The following MSRA variants were observed in gnomAD, a reference collection of about 807,000 sequenced individuals.
MSRA encodes methionine sulfoxide reductase A.
Under a neutral mutation model 31.3 loss-of-function variants are expected in MSRA, and 54 were observed. That is an observed-to-expected ratio of 1.73 (90% confidence interval 1.39 to 2.17). MSRA has a LOEUF of 2.17. MSRA is among the 30% of genes most tolerant of loss of function. MSRA has a pLI of 0.00. For synonymous variants in MSRA, 169 were observed against 116.5 expected, an observed-to-expected ratio of 1.45 and a Z score of -2.90; for missense variants, 507 against 300.9, an observed-to-expected ratio of 1.69 and a Z score of -5.07.
At chr8:10,300,860 C>T (rs1490544360) in intron 3 of MSRA, among the ~76,000 whole-genome samples, 1 of 152,144 alleles carries the variant, frequency 6.6e-6, no homozygotes, top group African/African-American at 2.4e-5. Context: ...CCCTGATCCA[C>T]CAAACCTCCA....
rs6990657 is a variant in MSRA, at chr8:10,161,943, G to A, written c.143-45890G>A. 4.0e-3 allele frequency among the ~76,000 whole-genome samples: 613 copies of A among 152,268 alleles called. 9 individuals carry two copies. The highest frequency in any genetic ancestry group is 0.014 in the African/African-American group (576 of 41,560). The stretch of plus-strand genomic sequence containing the variant: ...TTGCCCACTTGTTACAGGGTGGTCC[G>A]GAGGTCTGAATACAAGAGCGCACTG... On this transcript the variant is annotated intron_variant, in intron 1 of 5. Coordinates refer to ENST00000317173, the MANE Select transcript of MSRA (RefSeq NM_012331.5).
chr8:10,132,469 C>T (rs1801966289), intron 1 of MSRA, among the ~76,000 whole-genome samples: 1 of 152,160 alleles, frequency 6.6e-6, no homozygotes, highest in Non-Finnish European at 1.5e-5. Flanking sequence ...AAATTTATTT[C>T]CTCACAGTTC....
chr8:10,260,188 C>CA (rs1318138778), intron 3 of MSRA, among the ~76,000 whole-genome samples: 2 of 152,222 alleles, frequency 1.3e-5, no homozygotes, highest in Non-Finnish European at 2.9e-5. Flanking sequence ...GCCATTGATG[C>CA]AGGAGGCTCT....
chr8:10,350,587 G>C (rs1804067326), intron 5 of MSRA, among the ~76,000 whole-genome samples: 1 of 152,252 alleles, frequency 6.6e-6, no homozygotes, highest in Admixed American at 6.5e-5. Context: ...CTGGTCAGCA[G>C]CCGTAATGTT....
chr8:10,366,139 G>A (rs535161766), intron 5 of MSRA, among the ~76,000 whole-genome samples: 3 of 152,328 alleles, frequency 2.0e-5, no homozygotes, highest in East Asian at 1.9e-4. Context: ...TTATCTGGAC[G>A]GCTTTCTAGA....
intron 1 of MSRA, among the ~76,000 whole-genome samples, chr8:10,067,677 AGTT>A (rs781188704): frequency 6.6e-6 from 1 of 152,156 alleles, no homozygotes; most frequent in African/African-American, 2.4e-5. Flanking sequence ...CCTTCCCGGC[AGTT>A]GTTGTTATCA....
At position 10,109,178 on chromosome 8, in the gene MSRA, T is replaced by TA. The variant is rs1183713125; in HGVS notation, c.142+54527dup. Among the ~76,000 whole-genome samples the TA allele has an allele frequency of 2.6e-5, 4 of 152,258 alleles. No homozygotes were observed. The East Asian group carries it at 5.8e-4, about 22-fold the overall frequency. ...ATAAAATGCATATAGTGCCTGCCTTTAAAAAAAGCACTTTGGCTCAGGAAC... is the reference window on the plus strand; with the variant it reads ...ATAAAATGCATATAGTGCCTGCCTTTAAAAAAAAGCACTTTGGCTCAGGAAC... On this transcript the variant is annotated intron_variant, in intron 1 of 5. Coordinates refer to ENST00000317173, the MANE Select transcript of MSRA (RefSeq NM_012331.5).
At chr8:10,398,223 A>G (rs1048687027) in intron 5 of MSRA, among the ~76,000 whole-genome samples, 1 of 152,194 alleles carries the variant, frequency 6.6e-6, no homozygotes, top group Non-Finnish European at 1.5e-5. Context: ...CTCTTAGAAA[A>G]TTCCTGTTTG....
intron 3 of MSRA, among the ~76,000 whole-genome samples, chr8:10,255,697 C>T (rs905132082): frequency 6.6e-6 from 1 of 151,678 alleles, no homozygotes; most frequent in Admixed American, 6.6e-5. Context: ...GGGGAACAAT[C>T]ATCTGTCTGG....
At chr8:10,157,869 A>G (rs1307466507) in intron 1 of MSRA, among the ~76,000 whole-genome samples, 2 of 152,012 alleles carry the variant, frequency 1.3e-5, no homozygotes, top group African/African-American at 4.8e-5. Context: ...GTATTGACAT[A>G]TAACTCACAT....
intron 5 of MSRA, among the ~76,000 whole-genome samples, chr8:10,340,403 T>G (rs1215881180): frequency 6.6e-6 from 1 of 152,200 alleles, no homozygotes. Context: ...GACAAAGTTT[T>G]CCTCTGTCAC....
chr8:10,328,632 T>C (rs1418217074), intron 5 of MSRA, among the ~76,000 whole-genome samples: 5 of 152,136 alleles, frequency 3.3e-5, no homozygotes, highest in African/African-American at 7.2e-5. Flanking sequence ...CTTCGCATGG[T>C]CTACCAGGTC....
intron 1 of MSRA, among the ~76,000 whole-genome samples, chr8:10,154,811 A>T (rs1361035985): frequency 1.3e-5 from 2 of 152,078 alleles, no homozygotes; most frequent in Non-Finnish European, 2.9e-5. Flanking sequence ...TCACATGTAT[A>T]TTGAAAAAGA....
chr8:10,275,196 A>G (rs1799259682), intron 3 of MSRA, among the ~76,000 whole-genome samples: 2 of 152,186 alleles, frequency 1.3e-5, no homozygotes, highest in African/African-American at 4.8e-5. Flanking sequence ...GAATAAAACC[A>G]CATATGACCA....
At chr8:10,342,461 T>C (rs964621871) in intron 5 of MSRA, among the ~76,000 whole-genome samples, 2 of 152,200 alleles carry the variant, frequency 1.3e-5, no homozygotes, top group Non-Finnish European at 2.9e-5. Flanking sequence ...AGCATGATGA[T>C]AAGAATAATT....
At chr8:10,304,934 C>G (rs1801046271) in intron 4 of MSRA, among the ~76,000 whole-genome samples, 1 of 152,198 alleles carries the variant, frequency 6.6e-6, no homozygotes. Flanking sequence ...GAGCAATGCT[C>G]TTGCCTGTGC....
chr8:10,381,169 C>T (rs891490964), intron 5 of MSRA, among the ~76,000 whole-genome samples: 1 of 152,192 alleles, frequency 6.6e-6, no homozygotes, highest in Non-Finnish European at 1.5e-5. Context: ...CCTTTCCCCT[C>T]TGTGACCCTC....
At chr8:10,101,262 A>T (rs779002329) in intron 1 of MSRA, among the ~76,000 whole-genome samples, 1 of 152,222 alleles carries the variant, frequency 6.6e-6, no homozygotes, top group Admixed American at 6.5e-5. Flanking sequence ...GAGGAGAAAT[A>T]AGGAAATACA....
chr8:10,137,770 C>T lies in MSRA; in HGVS notation c.143-70063C>T, dbSNP rs567991560. On this transcript the variant is annotated intron_variant, in intron 1 of 5. Coordinates refer to ENST00000317173, the MANE Select transcript of MSRA (RefSeq NM_012331.5). Reference sequence around the variant, plus strand: ...GGATGGGTGCCTGCCCTGCCCCTTCCAGGTAACCCCCTGAAACTTGAAAAC... The same window carrying T: ...GGATGGGTGCCTGCCCTGCCCCTTCTAGGTAACCCCCTGAAACTTGAAAAC... Among the ~76,000 whole-genome samples, 12 of 152,258 alleles carry T rather than the reference C, an allele frequency of 7.9e-5. No homozygotes were observed. In the East Asian group the frequency reaches 2.3e-3, roughly 29 times the overall value.
Sources: allele counts gnomAD v4.1 joint callset (sites outside exome capture counted in the v4.1 genomes callset), GRCh38; gene constraint gnomAD v4.1.1; transcripts MANE v1.5; gene names NCBI Gene and HGNC (gene_info 2026-07-23, HGNC 2026-07-21).